The following PCDH11X variants were observed in gnomAD, a reference collection of about 807,000 sequenced individuals.
PCDH11X encodes the protein protocadherin 11 X-linked.
In PCDH11X, 18 loss-of-function variants were observed where a neutral mutation model predicts 53.3. The ratio of observed to expected loss-of-function variants is 0.34; its 90% CI spans 0.23 to 0.50. The LOEUF is 0.50. PCDH11X is among the 20% of genes least tolerant of loss of function. The pLI is 0.98. For missense variants in PCDH11X, 570 were observed against 1,032.4 expected, an observed-to-expected ratio of 0.55 and a Z score of 6.14; for synonymous variants, 279 against 393.3, an observed-to-expected ratio of 0.71 and a Z score of 3.44.
At chrX:92,268,681 C>T (rs1375691333) in intron 8 of PCDH11X, among the ~76,000 whole-genome samples, 1 of 111,762 alleles carries the variant, frequency 8.9e-6, no homozygotes, top group Non-Finnish European at 1.9e-5. Context: ...CAGCTTCTTG[C>T]TTTGGAACAG....
chrX:91,918,233 T>G (rs1333597144), intron 6 of PCDH11X, among the ~76,000 whole-genome samples: 1 of 110,417 alleles, frequency 9.1e-6, no homozygotes, highest in Non-Finnish European at 1.9e-5. Flanking sequence ...TCTCGCATTA[T>G]TATTTATTAT....
intron 5 of PCDH11X, among the ~76,000 whole-genome samples, chrX:91,837,694 A>G (rs1937353584): frequency 9.0e-6 from 1 of 111,427 alleles, no homozygotes; most frequent in African/African-American, 3.3e-5. Context: ...AAGTACTTAT[A>G]GAAGTGTGAG....
At chrX:91,972,859 C>T (rs974014463) in intron 6 of PCDH11X, among the ~76,000 whole-genome samples, 9 of 111,320 alleles carry the variant, frequency 8.1e-5, no homozygotes, top group African/African-American at 2.3e-4. Flanking sequence ...TATAGTTCAA[C>T]CATTGTGGAA....
intron 6 of PCDH11X, among the ~76,000 whole-genome samples, chrX:91,979,098 T>C (rs1415091899): frequency 9.0e-6 from 1 of 111,607 alleles, no homozygotes; most frequent in African/African-American, 3.3e-5. Context: ...AAATTCAGAC[T>C]GAACATATCG....
chrX:91,894,041 A>C (rs1368867862), intron 6 of PCDH11X, among the ~76,000 whole-genome samples: 1 of 111,872 alleles, frequency 8.9e-6, no homozygotes, highest in African/African-American at 3.2e-5. Context: ...TGTTTTGTTT[A>C]GTTTCTCTTT....
At chrX:92,609,095 A>G (rs747430570) in intron 10 of PCDH11X, among the ~76,000 whole-genome samples, 9 of 111,652 alleles carry the variant, frequency 8.1e-5, no homozygotes, top group Non-Finnish European at 1.3e-4. Flanking sequence ...TTTATTGCTG[A>G]GTAGTATTTC....
At chrX:92,382,312 G>A (rs143562852) in intron 8 of PCDH11X, among the ~76,000 whole-genome samples, 1,973 of 111,088 alleles carry the variant, frequency 0.018, 40 homozygotes, top group African/African-American at 0.06. Context: ...AAGGAAGATT[G>A]GGTTAGAGTG....
chrX:91,927,530 AAGG>A (rs1941987744), intron 6 of PCDH11X, among the ~76,000 whole-genome samples: 1 of 111,011 alleles, frequency 9.0e-6, no homozygotes, highest in Non-Finnish European at 1.9e-5. Flanking sequence ...AAGCCTTTTA[AAGG>A]AGATTTTAAA....
intron 10 of PCDH11X, among the ~76,000 whole-genome samples, chrX:92,606,232 C>A (rs867663296): frequency 2.0e-3 from 65 of 32,797 alleles, no homozygotes; most frequent in South Asian, 8.5e-3. Flanking sequence ...AATTCCGTCT[C>A]AAAAAAAAAA....
chrX:92,337,229 C>T (rs1224343238), intron 8 of PCDH11X, among the ~76,000 whole-genome samples: 1 of 108,608 alleles, frequency 9.2e-6, no homozygotes, highest in Admixed American at 9.9e-5. Context: ...CAAGCTCCCA[C>T]CATGATCCAA....
At chrX:91,998,057 C>T (rs1051031129) in intron 6 of PCDH11X, among the ~76,000 whole-genome samples, 8 of 109,823 alleles carry the variant, frequency 7.3e-5, no homozygotes, top group Non-Finnish European at 1.3e-4. Context: ...CCTCAGCCTC[C>T]TGAGTAGCTG....
chrX:91,878,430 A>G lies in PCDH11X; in HGVS notation c.2190A>G (p.Thr730=), dbSNP rs1351789073. The G allele has an allele frequency of 8.3e-7, 1 of 1,201,720 alleles. No homozygotes were observed. The highest frequency in any genetic ancestry group is 1.1e-6 in the Non-Finnish European group (1 of 891,945). Residue 730 remains threonine (T), a synonymous_variant, in exon 6 of 11, where the codon ACA becomes ACG. Coordinates refer to ENST00000682573, the MANE Select transcript of PCDH11X (RefSeq NM_032968.5). ...TRDLFAIDQE[T]GNITLMEKCD... ...ATCTGTTTGCAATCGACCAAGAAACAGGCAACATAACATTGATGGAGAAAT... is the reference window on the plus strand; with the variant it reads ...ATCTGTTTGCAATCGACCAAGAAACGGGCAACATAACATTGATGGAGAAAT...
chrX:92,049,041 A>G (rs893738241), intron 6 of PCDH11X, among the ~76,000 whole-genome samples: 8 of 111,332 alleles, frequency 7.2e-5, no homozygotes, highest in African/African-American at 2.6e-4. Flanking sequence ...AGGTTAGGAT[A>G]AAGGATTGTG....
intron 6 of PCDH11X, among the ~76,000 whole-genome samples, chrX:92,190,922 G>T (rs2066181418): frequency 9.0e-6 from 1 of 111,282 alleles, no homozygotes; most frequent in African/African-American, 3.3e-5. Context: ...GATCGTTGTT[G>T]CTATTTTACT....
chrX:92,144,067 C>A (rs1171260452), intron 6 of PCDH11X, among the ~76,000 whole-genome samples: 2 of 111,570 alleles, frequency 1.8e-5, no homozygotes, highest in African/African-American at 6.5e-5. Flanking sequence ...ATGATTTCTT[C>A]CATTTGGAAC....
intron 6 of PCDH11X, among the ~76,000 whole-genome samples, chrX:92,031,946 A>C (rs1212021187): frequency 9.0e-6 from 1 of 111,689 alleles, no homozygotes; most frequent in South Asian, 3.7e-4. Context: ...TTTTTTCTCA[A>C]GATAGCTTTG....
chrX:91,782,694 C>T (rs926812389), intron 1 of PCDH11X, among the ~76,000 whole-genome samples: 3 of 109,918 alleles, frequency 2.7e-5, no homozygotes, highest in Admixed American at 9.6e-5. Context: ...CTATCCACTA[C>T]TGCCATAGGG....
chrX:92,540,295 C>G (rs1290960147), intron 10 of PCDH11X, among the ~76,000 whole-genome samples: 1 of 109,475 alleles, frequency 9.1e-6, no homozygotes. Flanking sequence ...CCTGCTTTTC[C>G]CTCCTCTTTC....
At chrX:92,521,527 G>A (rs915398144) in intron 10 of PCDH11X, among the ~76,000 whole-genome samples, 6 of 112,148 alleles carry the variant, frequency 5.4e-5, no homozygotes, top group African/African-American at 9.7e-5. Flanking sequence ...TTCATTTAGC[G>A]TAATTCTTAA....
Sources: allele counts gnomAD v4.1 joint callset (sites outside exome capture counted in the v4.1 genomes callset), GRCh38; gene constraint gnomAD v4.1.1; transcripts MANE v1.5; gene names NCBI Gene and HGNC (gene_info 2026-07-23, HGNC 2026-07-21).